TBC1D8: variants seen among roughly 807,000 people sequenced by gnomAD.
The protein encoded by TBC1D8 is TBC1 domain family member 8.
In TBC1D8, 65 loss-of-function variants were observed where a neutral mutation model predicts 118.8. The ratio of observed to expected loss-of-function variants is 0.55; its 90% CI spans 0.45 to 0.67. The LOEUF (loss-of-function observed/expected upper bound fraction) is 0.67, where lower values mean the gene tolerates loss of function less well. Ranked by LOEUF, TBC1D8 falls within the 30% of genes least tolerant of loss-of-function variation. The probability of loss-of-function intolerance (pLI) is 0.00; values close to 1 mark genes in which losing one functional copy is unlikely to be tolerated. For synonymous variants in TBC1D8, 566 were observed against 595.8 expected, an observed-to-expected ratio of 0.95 and a Z score of 0.73; for missense variants, 1,376 against 1,471.2, an observed-to-expected ratio of 0.94 and a Z score of 1.06.
chr2:101,068,477 G>A, intron 2 of TBC1D8: 1 of 378,742 alleles, frequency 2.6e-6, no homozygotes, highest in Non-Finnish European at 4.8e-6. Context: ...GTTCCAGGAA[G>A]TTCTTCCAAA....
chr2:101,121,240 T>C (rs1678087355), intron 1 of TBC1D8, among the ~76,000 whole-genome samples: 1 of 152,234 alleles, frequency 6.6e-6, no homozygotes, highest in Admixed American at 6.5e-5. Flanking sequence ...CTTTATAAGG[T>C]TGTTATCAGC....
chr2:101,102,411 G>A (rs969006243), intron 1 of TBC1D8, among the ~76,000 whole-genome samples: 10 of 151,854 alleles, frequency 6.6e-5, no homozygotes, highest in East Asian at 1.9e-4. Flanking sequence ...CTGAAACCAC[G>A]CTGCTGCACT....
Position 101,090,222 on chromosome 2 carries a change from C to G in TBC1D8, c.270G>C (p.Trp90Cys). 1.9e-6 allele frequency: 3 copies of G among 1,613,574 alleles called. No homozygotes were observed. The highest frequency in any genetic ancestry group is 2.5e-6 in the Non-Finnish European group (3 of 1,179,690). ...GELLNGSDVY[W>C]AIATGATLEE... ...AACAAAACTCACCAGTGGCTATGGC[C>G]CAGTAAACGTCTGATCCATTCAGTA... The change falls in exon 2 of 20, where the codon TGG becomes TGC. Residue 90 changes from tryptophan to cysteine, a missense_variant. Transcript: ENST00000409318.
intron 1 of TBC1D8, among the ~76,000 whole-genome samples, chr2:101,102,490 G>C (rs1239651599): frequency 5.9e-5 from 9 of 151,316 alleles, no homozygotes; most frequent in African/African-American, 9.7e-5. Context: ...AAGTATGAAA[G>C]GTCTAAGTAC....
intron 17 of TBC1D8, among the ~76,000 whole-genome samples, chr2:101,017,040 C>A (rs1679702349): frequency 6.7e-6 from 1 of 149,628 alleles, no homozygotes; most frequent in African/African-American, 2.5e-5. Context: ...CTAACCTGCA[C>A]ATTGTGCACA....
intron 3 of TBC1D8, among the ~76,000 whole-genome samples, chr2:101,055,355 C>T (rs1261253731): frequency 6.6e-6 from 1 of 151,650 alleles, no homozygotes; most frequent in African/African-American, 2.4e-5. Context: ...TACCACTGCA[C>T]TCCAACCTGG....
chr2:101,096,658 A>T (rs940151126), intron 1 of TBC1D8, among the ~76,000 whole-genome samples: 1 of 152,126 alleles, frequency 6.6e-6, no homozygotes, highest in Admixed American at 6.6e-5. Context: ...CTAGACGTGA[A>T]AAGAAAATCA....
chr2:101,068,584 A>C (rs1216400796), intron 2 of TBC1D8: 1 of 563,222 alleles, frequency 1.8e-6, no homozygotes, highest in African/African-American at 1.9e-5. Flanking sequence ...AATTAGAGAA[A>C]ATGCACCAAG....
chr2:101,045,319 G>A (rs570712466), intron 5 of TBC1D8, among the ~76,000 whole-genome samples: 3 of 152,316 alleles, frequency 2.0e-5, no homozygotes, highest in African/African-American at 7.2e-5. Flanking sequence ...CGGTAAAGAT[G>A]TATCAAAACA....
At chr2:101,118,658 C>T (rs900269519) in intron 1 of TBC1D8, among the ~76,000 whole-genome samples, 3 of 146,014 alleles carry the variant, frequency 2.1e-5, no homozygotes, top group Non-Finnish European at 4.5e-5. Flanking sequence ...GATGGCGCCA[C>T]TGCACTCCAG....
intron 15 of TBC1D8, among the ~76,000 whole-genome samples, chr2:101,024,529 C>T (rs538969625): frequency 1.3e-5 from 2 of 151,552 alleles, no homozygotes; most frequent in East Asian, 3.9e-4. Flanking sequence ...GCCTCAGCCT[C>T]CCAAGTAGCT....
chr2:101,067,311 T>C (rs890034446), intron 2 of TBC1D8, among the ~76,000 whole-genome samples: 1 of 152,332 alleles, frequency 6.6e-6, no homozygotes, highest in South Asian at 2.1e-4. Flanking sequence ...AAGAGTAAAA[T>C]GTTCTCTCTT....
intron 11 of TBC1D8, among the ~76,000 whole-genome samples, chr2:101,031,745 G>T (rs1357287585): frequency 2.0e-5 from 3 of 152,116 alleles, no homozygotes; most frequent in Non-Finnish European, 4.4e-5. Context: ...GGAAGTGGAG[G>T]ACTTTTCCAA....
intron 8 of TBC1D8, 27 bp from the exon 9 acceptor site, chr2:101,036,195 C>G (rs1488756658): frequency 2.5e-6 from 4 of 1,606,906 alleles, no homozygotes; most frequent in Non-Finnish European, 2.6e-6. Flanking sequence ...TCTTAATGTA[C>G]AAAGAAGTCT....
chr2:101,069,857 A>G (rs894075085), intron 2 of TBC1D8, among the ~76,000 whole-genome samples: 2 of 151,992 alleles, frequency 1.3e-5, no homozygotes, highest in African/African-American at 4.8e-5. Flanking sequence ...TTTCAGTTTT[A>G]CAGATAACAT....
At chr2:101,132,835 A>C (rs547582554) in intron 1 of TBC1D8, among the ~76,000 whole-genome samples, 9 of 151,922 alleles carry the variant, frequency 5.9e-5, no homozygotes, top group Admixed American at 4.6e-4. Context: ...CCTGGGCCCA[A>C]GTGATCCTCC....
At chr2:101,070,292 C>T (rs559362265) in intron 2 of TBC1D8, among the ~76,000 whole-genome samples, 3 of 151,790 alleles carry the variant, frequency 2.0e-5, no homozygotes, top group Admixed American at 2.0e-4. Flanking sequence ...TTTTACATTA[C>T]CTAATTAGAA....
At chr2:101,054,985 A>T (rs938434603) in intron 3 of TBC1D8, among the ~76,000 whole-genome samples, 7 of 151,660 alleles carry the variant, frequency 4.6e-5, no homozygotes, top group Non-Finnish European at 8.8e-5. Flanking sequence ...CCCGGCCACA[A>T]ATGATCATTT....
intron 12 of TBC1D8, among the ~76,000 whole-genome samples, chr2:101,028,737 G>A (rs911694608): frequency 2.0e-5 from 3 of 152,096 alleles, no homozygotes; most frequent in African/African-American, 7.2e-5. Flanking sequence ...CTCTTTCAAT[G>A]TCATCTGACT....
Sources: allele counts gnomAD v4.1 joint callset (sites outside exome capture counted in the v4.1 genomes callset), GRCh38; gene constraint gnomAD v4.1.1; transcripts MANE v1.5; gene names NCBI Gene and HGNC (gene_info 2026-07-23, HGNC 2026-07-21).